SRPK2: variants seen among roughly 807,000 people sequenced by gnomAD.
SRPK2 encodes SFRS protein kinase 2.
SRPK2 carries 21 observed loss-of-function variants against 90.8 expected under a neutral mutation model. That is an observed-to-expected ratio of 0.23 (90% CI 0.16 to 0.33). The LOEUF is 0.33. SRPK2 is among the 10% of genes least tolerant of loss of function. SRPK2 has a pLI of 1.00. For synonymous variants in SRPK2, 288 were observed against 311.1 expected, an observed-to-expected ratio of 0.93 and a Z score of 0.78; for missense variants, 620 against 869.0, an observed-to-expected ratio of 0.71 and a Z score of 3.60.
rs1563025810 is a variant in SRPK2, at chr7:105,170,899, GAAA to G, written c.230-1637_230-1635del. Among the ~76,000 whole-genome samples, 202 of 73,258 alleles carry G rather than the reference GAAA, an allele frequency of 2.8e-3. 4 individuals carry two copies. The highest frequency in any genetic ancestry group is 5.7e-3 in the East Asian group (14 of 2,468). 48.1% of individuals were successfully genotyped at this position (73,258 alleles called of 152,430 possible). A position where few individuals can be genotyped will look rare whatever the true frequency, so the allele number is the denominator to read the frequency against. On this transcript the variant is annotated intron_variant, in intron 3 of 15. Coordinates refer to ENST00000393651, the MANE Select transcript of SRPK2 (RefSeq NM_182692.3). The stretch of plus-strand genomic sequence containing the variant: ...AGAAAGAAAGAAAGAAAGAAAGAAA[GAAA>G]GAAAGAAAGAAAGGAGAAAGAAAAA...
chr7:105,204,451 A>C (rs937716823), intron 2 of SRPK2: 1 of 305,490 alleles, frequency 3.3e-6, no homozygotes, highest in African/African-American at 2.2e-5. Context: ...CTATGAGGAG[A>C]ATGGTTCATA....
chr7:105,281,756 G>C (rs919936594), intron 2 of SRPK2, among the ~76,000 whole-genome samples: 3 of 150,808 alleles, frequency 2.0e-5, no homozygotes, highest in Non-Finnish European at 4.4e-5. Context: ...ATTCAACCAA[G>C]GAAGTACAAG....
chr7:105,399,179 G>A, exon 1 of SRPK2: 1 of 152,132 alleles, frequency 6.6e-6, no homozygotes, highest in Non-Finnish European at 1.5e-5. Context: ...CAGCAATTTG[G>A]GAGCAGTTTA....
At chr7:105,176,949 C>A (rs1183140225) in intron 3 of SRPK2, among the ~76,000 whole-genome samples, 3 of 152,006 alleles carry the variant, frequency 2.0e-5, no homozygotes, top group Non-Finnish European at 4.4e-5. Context: ...CATATATTTT[C>A]TTGAGTGAAG....
At chr7:105,202,640 C>T (rs939531909) in intron 3 of SRPK2, among the ~76,000 whole-genome samples, 2 of 152,176 alleles carry the variant, frequency 1.3e-5, no homozygotes, top group South Asian at 4.1e-4. Flanking sequence ...CTTTACAAAG[C>T]ATCAATACAA....
chr7:105,252,656 A>G (rs1164904419), intron 2 of SRPK2, among the ~76,000 whole-genome samples: 1 of 152,162 alleles, frequency 6.6e-6, no homozygotes, highest in Non-Finnish European at 1.5e-5. Flanking sequence ...ATTTATAGAA[A>G]TGATACTTTA....
At chr7:105,127,725 A>ACCATTTGTTTC (rs11270344) in intron 13 of SRPK2, among the ~76,000 whole-genome samples, 1 of 151,826 alleles carries the variant, frequency 6.6e-6, no homozygotes, top group Non-Finnish European at 1.5e-5. Flanking sequence ...TGTAGGGAAC[A>ACCATTTGTTTC]CATTTCCCTT....
At chr7:105,322,102 C>G (rs979623538) in intron 2 of SRPK2, among the ~76,000 whole-genome samples, 3 of 152,116 alleles carry the variant, frequency 2.0e-5, no homozygotes, top group Admixed American at 1.3e-4. Flanking sequence ...CAATGAAATA[C>G]TATGTAGCCA....
At chr7:105,202,795 T>C (rs1392336216) in intron 3 of SRPK2, among the ~76,000 whole-genome samples, 1 of 152,214 alleles carries the variant, frequency 6.6e-6, no homozygotes, top group Non-Finnish European at 1.5e-5. Context: ...TGTAAACAAA[T>C]GTGCATGCTT....
chr7:105,205,934 C>CAT (rs745879029), intron 2 of SRPK2: 11 of 518,680 alleles, frequency 2.1e-5, no homozygotes, highest in South Asian at 9.8e-5. Context: ...TGAAAACACA[C>CAT]ACACACACAC....
At chr7:105,301,357 G>A (rs529354561) in intron 2 of SRPK2, among the ~76,000 whole-genome samples, 15 of 151,804 alleles carry the variant, frequency 9.9e-5, no homozygotes, top group African/African-American at 1.7e-4. Flanking sequence ...GGGCGCTGCC[G>A]AGGCCAGGGG....
intron 2 of SRPK2, among the ~76,000 whole-genome samples, chr7:105,283,939 G>A (rs550153657): frequency 2.0e-5 from 3 of 152,208 alleles, no homozygotes; most frequent in South Asian, 4.1e-4. Context: ...ATAGTGAGCC[G>A]TGATGGTGCC....
intron 2 of SRPK2, among the ~76,000 whole-genome samples, chr7:105,327,067 CAAA>C (rs11350866): frequency 9.7e-5 from 12 of 123,300 alleles, no homozygotes; most frequent in South Asian, 2.7e-4. Context: ...AACTCCGTAT[CAAA>C]AAAAAAAAAA....
At chr7:105,373,984 G>A (rs1177008901) in intron 2 of SRPK2, among the ~76,000 whole-genome samples, 1 of 152,160 alleles carries the variant, frequency 6.6e-6, no homozygotes, top group Admixed American at 6.6e-5. Flanking sequence ...CTGGAGTGCA[G>A]TGGCATGATC....
chr7:105,214,740 G>A (rs1211390593), intron 2 of SRPK2, among the ~76,000 whole-genome samples: 1 of 152,178 alleles, frequency 6.6e-6, no homozygotes, highest in Non-Finnish European at 1.5e-5. Flanking sequence ...TTCATGGATT[G>A]GAGACTTAAT....
intron 2 of SRPK2, among the ~76,000 whole-genome samples, chr7:105,279,013 T>C (rs1028612299): frequency 6.6e-6 from 1 of 152,218 alleles, no homozygotes; most frequent in African/African-American, 2.4e-5. Context: ...AAAATAGGCT[T>C]ACTTTCAGAT....
At chr7:105,339,765 A>C (rs1815523979) in intron 2 of SRPK2, among the ~76,000 whole-genome samples, 1 of 152,194 alleles carries the variant, frequency 6.6e-6, no homozygotes, top group Non-Finnish European at 1.5e-5. Context: ...GGCATGAATC[A>C]AGGACACGAT....
chr7:105,159,511 CT>C (rs1807231301), intron 7 of SRPK2, among the ~76,000 whole-genome samples: 1 of 141,624 alleles, frequency 7.1e-6, no homozygotes, highest in Non-Finnish European at 1.5e-5. Flanking sequence ...CACAGGCAGG[CT>C]AAACAAAGTT....
rs33959633 is a variant in SRPK2 at position 105,325,486 on chromosome 7, CA to C, written c.71+63161del. Reference sequence around the variant, plus strand: ...GAACTAAGACTAGAAACCAAGTCTTCAAAAAAAAAAAAAAAAAATGATGTCC... The same window carrying C: ...GAACTAAGACTAGAAACCAAGTCTTCAAAAAAAAAAAAAAAAATGATGTCC... On this transcript the variant is annotated intron_variant, in intron 2 of 15. Transcript: ENST00000393651. 5.1e-3 allele frequency among the ~76,000 whole-genome samples: 441 copies of C among 86,072 alleles called. 6 individuals are homozygous for C. The East Asian group carries it at 0.07, about 14-fold the overall frequency. The allele number at this position is 86,072 out of a possible 152,430, so 56.5% of individuals were successfully genotyped here.
Sources: allele counts gnomAD v4.1 joint callset (sites outside exome capture counted in the v4.1 genomes callset), GRCh38; gene constraint gnomAD v4.1.1; transcripts MANE v1.5; gene names NCBI Gene and HGNC (gene_info 2026-07-23, HGNC 2026-07-21).